Variants in CCM2 observed in about 807,000 individuals in gnomAD.
CCM2 encodes the protein cerebral cavernous malformations 2 protein.
In CCM2, 25 loss-of-function variants were observed where a neutral mutation model predicts 44.9. The ratio of observed to expected loss-of-function variants is 0.56; its 90% CI spans 0.41 to 0.78. The LOEUF (loss-of-function observed/expected upper bound fraction) is 0.78, where lower values mean the gene tolerates loss of function less well. Ranked by LOEUF, CCM2 falls within the 30% of genes least tolerant of loss-of-function variation. CCM2 has a pLI of 0.00. For missense variants in CCM2, 481 were observed against 580.6 expected, an observed-to-expected ratio of 0.83 and a Z score of 1.76; for synonymous variants, 219 against 241.1, an observed-to-expected ratio of 0.91 and a Z score of 0.85.
At position 45,072,757 on chromosome 7, in the gene CCM2, G is replaced by A. The variant is rs765305537; in HGVS notation, c.777G>A (p.Glu259=). The change falls in exon 7 of 10, where the codon GAG becomes GAA. Residue 259 remains glutamate, a synonymous_variant. Transcript: ENST00000258781. Reference sequence around the variant, plus strand: ...CTTCTACAAAAGTGGACATTAAGGAGACCTACGAGGTGGAAGCCAGCACTT... The same window carrying A: ...CTTCTACAAAAGTGGACATTAAGGAAACCTACGAGGTGGAAGCCAGCACTT... The part of the protein sequence containing the change: ...DDSSTKVDIK[E]TYEVEASTFC... 7.4e-6 allele frequency: 12 copies of A among 1,612,938 alleles called. No individual in the cohort carries two copies. The East Asian group carries it at 2.7e-4, about 36-fold the overall frequency.
intron 1 of CCM2, among the ~76,000 whole-genome samples, chr7:45,011,259 C>T (rs968407912): frequency 2.7e-5 from 4 of 150,472 alleles, no homozygotes; most frequent in Admixed American, 2.0e-4. Flanking sequence ...TGCAATGGTG[C>T]GATCTCAGCT....
chr7:45,028,190 C>T (rs1313755677), intron 1 of CCM2, among the ~76,000 whole-genome samples: 1 of 152,156 alleles, frequency 6.6e-6, no homozygotes, highest in Non-Finnish European at 1.5e-5. Flanking sequence ...AAGAGAGCAC[C>T]CAAAGCTGGA....
At chr7:45,030,461 G>A (rs1796910169) in intron 1 of CCM2, among the ~76,000 whole-genome samples, 1 of 152,158 alleles carries the variant, frequency 6.6e-6, no homozygotes, top group Non-Finnish European at 1.5e-5. Flanking sequence ...CTTCCAGACA[G>A]GGTCTCACTC....
intron 9 of CCM2, 32 bp downstream of exon 9, chr7:45,074,440 C>A: frequency 5.0e-6 from 8 of 1,590,762 alleles, no homozygotes; most frequent in South Asian, 1.1e-5. Flanking sequence ...GGTGGCTTGT[C>A]CAAACCTGGC....
intron 1 of CCM2, among the ~76,000 whole-genome samples, chr7:45,016,974 T>C (rs935487745): frequency 6.6e-6 from 1 of 151,776 alleles, no homozygotes; most frequent in East Asian, 1.9e-4. Context: ...TTTCACCATG[T>C]TAGCCAGGAT....
At chr7:45,019,034 A>G (rs1192794788) in intron 1 of CCM2, among the ~76,000 whole-genome samples, 1 of 139,306 alleles carries the variant, frequency 7.2e-6, no homozygotes, top group Non-Finnish European at 1.5e-5. Flanking sequence ...TGTTGGGATT[A>G]TAGGCGTGAG....
chr7:45,046,114 A>C lies in CCM2; in HGVS notation c.204+7688A>C, dbSNP rs76452465. Reference sequence around the variant, plus strand: ...CACAAACTACTACTACAAGTCATCCAATATGAAATAATTTGAATAGCTTGT... The same window carrying C: ...CACAAACTACTACTACAAGTCATCCCATATGAAATAATTTGAATAGCTTGT... On this transcript the variant is annotated intron_variant, in intron 2 of 9. Coordinates refer to ENST00000258781, the MANE Select transcript of CCM2 (RefSeq NM_031443.4). Among the ~76,000 whole-genome samples, 7 of 152,338 alleles carry C rather than the reference A, an allele frequency of 4.6e-5. No homozygotes were observed. The East Asian group carries it at 1.3e-3, about 29-fold the overall frequency.
chr7:45,042,277 G>A (rs974444688), intron 2 of CCM2, among the ~76,000 whole-genome samples: 5 of 38,546 alleles, frequency 1.3e-4, no homozygotes, highest in African/African-American at 7.0e-4. Context: ...AAAAAAAAAG[G>A]TGCCGTTCCC....
At chr7:45,033,187 T>C (rs376120395) in intron 1 of CCM2, among the ~76,000 whole-genome samples, 3 of 151,828 alleles carry the variant, frequency 2.0e-5, no homozygotes, top group African/African-American at 4.8e-5. Flanking sequence ...CCTGCAAGAG[T>C]TCCTACTATT....
chr7:45,018,352 A>ATTAT (rs528589048), intron 1 of CCM2, among the ~76,000 whole-genome samples: 114 of 151,872 alleles, frequency 7.5e-4, no homozygotes, highest in African/African-American at 2.2e-3. Flanking sequence ...AGCATTTTTT[A>ATTAT]TTATTTATTT....
At position 45,038,382 on chromosome 7, in the gene CCM2, G is replaced by A. The variant is rs759104121; in HGVS notation, c.160G>A (p.Glu54Lys). The A allele has an allele frequency of 4.1e-5, 66 of 1,614,128 alleles. No individual in the cohort carries two copies. Among genetic ancestry groups the A allele is most frequent in the Admixed American group, 5.0e-5 (3 of 60,024 alleles). Residue 54 changes from glutamate to lysine, a missense_variant, in exon 2 of 10, where the codon GAG (glutamate) becomes AAG (lysine). Coordinates refer to ENST00000258781, the MANE Select transcript of CCM2 (RefSeq NM_031443.4). Reference sequence around the variant, plus strand: ...GGTGTTGTCATTGCCTGAGCGCGTCGAGCCAGACAGACTGCTGAGCGACTA... The same window carrying A: ...GGTGTTGTCATTGCCTGAGCGCGTCAAGCCAGACAGACTGCTGAGCGACTA... ...TVVLSLPERVEPDRLLSDYIE... is the reference protein window; with the variant it reads ...TVVLSLPERVKPDRLLSDYIE...
intron 2 of CCM2, among the ~76,000 whole-genome samples, chr7:45,048,668 C>G (rs1476238841): frequency 6.6e-6 from 1 of 151,802 alleles, no homozygotes; most frequent in East Asian, 1.9e-4. Context: ...GAGGCTGAGG[C>G]AGGAGATTCG....
At chr7:45,000,464 G>GGT (rs1554353584) in intron 1 of CCM2, 101 bp downstream of exon 1, 2,907 of 189,928 alleles carry the variant, frequency 0.015, 80 homozygotes, top group African/African-American at 0.053. Context: ...CGGGGGGGGG[G>GGT]GCAGTGGGCC....
At chr7:45,042,448 G>A (rs1025747806) in intron 2 of CCM2, among the ~76,000 whole-genome samples, 1 of 152,034 alleles carries the variant, frequency 6.6e-6, no homozygotes, top group Non-Finnish European at 1.5e-5. Context: ...CTGAGCAAAC[G>A]CCAAACAAGA....
At chr7:45,024,862 G>A (rs970796155) in intron 1 of CCM2, among the ~76,000 whole-genome samples, 2 of 152,118 alleles carry the variant, frequency 1.3e-5, no homozygotes, top group African/African-American at 4.8e-5. Context: ...TTGAGGGTTT[G>A]TCTCTTACAT....
rs905060422 is a variant in CCM2, at chr7:45,076,346, C to T, written c.*289C>T. Reference sequence around the variant, plus strand: ...GCCCGGCCGAGCGGGCAGGGAGAGCCAGTCCTGTCGGCTGGGCCCTTGGAC... The same window carrying T: ...GCCCGGCCGAGCGGGCAGGGAGAGCTAGTCCTGTCGGCTGGGCCCTTGGAC... On this transcript the variant is annotated 3_prime_UTR_variant, in exon 10 of 10. Transcript: ENST00000258781. 2.1e-5 allele frequency: 13 copies of T among 609,236 alleles called. No homozygotes were observed. The highest frequency in any genetic ancestry group is 4.0e-5 in the Non-Finnish European group (13 of 326,620). 37.7% of individuals were successfully genotyped at this position (609,236 alleles called of 1,614,324 possible).
chr7:45,006,862 ACT>A (rs1006930869), intron 1 of CCM2, among the ~76,000 whole-genome samples: 3 of 152,092 alleles, frequency 2.0e-5, no homozygotes, highest in African/African-American at 7.2e-5. Context: ...CAGCATCTAG[ACT>A]CTAAGAGAAT....
chr7:45,028,852 C>G (rs1009770352), intron 1 of CCM2, among the ~76,000 whole-genome samples: 1 of 151,550 alleles, frequency 6.6e-6, no homozygotes, highest in Non-Finnish European at 1.5e-5. Context: ...TGTGGAAATT[C>G]ACATAGGCAG....
intron 1 of CCM2, among the ~76,000 whole-genome samples, chr7:45,003,919 C>T (rs1042935154): frequency 1.8e-4 from 28 of 152,132 alleles, no homozygotes; most frequent in African/African-American, 6.8e-4. Context: ...AGTGGCTACG[C>T]CTGTAATCCC....
Sources: gnomAD v4.1 joint callset for allele counts (sites outside exome capture counted in the v4.1 genomes callset) on GRCh38, gnomAD v4.1.1 for gene constraint, MANE v1.5 for transcripts, NCBI Gene and HGNC (gene_info 2026-07-23, HGNC 2026-07-21) for gene names.